The following PCDHA9 variants were observed in gnomAD, a reference collection of about 807,000 sequenced individuals.
The protein encoded by PCDHA9 is protocadherin alpha 9.
Under a neutral mutation model 62.0 loss-of-function variants are expected in PCDHA9, and 62 were observed. The ratio of observed to expected loss-of-function variants is 1.00; its 90% CI spans 0.81 to 1.23. The LOEUF (loss-of-function observed/expected upper bound fraction) is 1.23, where lower values mean the gene tolerates loss of function less well. Ranked by LOEUF, PCDHA9 falls within the 50% of genes most tolerant of loss-of-function variation. The pLI is 0.00. For synonymous variants in PCDHA9, 557 were observed against 567.6 expected (o/e 0.98, Z 0.27); for missense variants, 1,205 against 1,249.8 (o/e 0.96, Z 0.54).
chr5:140,920,530 G>T (rs2079676121), intron 1 of PCDHA9, among the ~76,000 whole-genome samples: 1 of 152,148 alleles, frequency 6.6e-6, no homozygotes, highest in African/African-American at 2.4e-5. Context: ...GTTAGACTCA[G>T]GTTTTCTATT....
At chr5:140,954,512 T>C (rs2095046956) in intron 1 of PCDHA9, among the ~76,000 whole-genome samples, 1 of 152,254 alleles carries the variant, frequency 6.6e-6, no homozygotes, top group Non-Finnish European at 1.5e-5. Flanking sequence ...TGCATTTACC[T>C]AATGATCAGT....
intron 1 of PCDHA9, among the ~76,000 whole-genome samples, chr5:140,964,997 T>C (rs144251011): frequency 3.9e-5 from 6 of 152,316 alleles, no homozygotes; most frequent in African/African-American, 1.4e-4. Context: ...CTTTGAATTC[T>C]GGGTGTCAGG....
rs2150424072 is a variant in PCDHA9, at chr5:140,848,906, A to C, written c.411A>C (p.Gln137His). 6 of 1,608,120 alleles carry C rather than the reference A, an allele frequency of 3.7e-6. No individual in the cohort carries two copies. In the East Asian group the frequency reaches 1.3e-4, roughly 36 times the overall value. Residue 137 changes from glutamine to histidine, a missense_variant, in exon 1 of 4, where the codon CAA becomes CAC. By Grantham distance (24) the Gln-to-His change is conservative (BLOSUM62 0). Transcript: ENST00000532602. ...NDNPPVFPAT[Q>H]KNLFIAESRP... ...ACCCTCCAGTGTTCCCAGCGACACA[A>C]AAGAATCTGTTCATCGCGGAATCCA... is the stretch of plus-strand genomic sequence containing the variant.
intron 1 of PCDHA9, among the ~76,000 whole-genome samples, chr5:140,941,255 C>CTTTCTTTCTCTT (rs782490896): frequency 9.0e-5 from 4 of 44,506 alleles, no homozygotes; most frequent in Non-Finnish European, 1.5e-4. Flanking sequence ...TTCTTTCTTT[C>CTTTCTTTCTCTT]TCTTTCTTTC....
chr5:140,856,315 T>A (rs782568790), intron 1 of PCDHA9: 4 of 1,598,576 alleles, frequency 2.5e-6, no homozygotes, highest in Non-Finnish European at 3.4e-6. Context: ...ATTCTCGGAT[T>A]GACCGCGAGG....
chr5:141,000,421 ATTTTTT>A (rs34755515), intron 3 of PCDHA9, among the ~76,000 whole-genome samples: 34 of 27,962 alleles, frequency 1.2e-3, no homozygotes, highest in East Asian at 9.9e-3. Context: ...ATATATATAT[ATTTTTT>A]TTTTTTTTTT....
chr5:140,940,635 TC>T (rs2092658903), intron 1 of PCDHA9, among the ~76,000 whole-genome samples: 1 of 152,214 alleles, frequency 6.6e-6, no homozygotes, highest in African/African-American at 2.4e-5. Context: ...CTTAAGCTTG[TC>T]ATTTATTTAT....
intron 1 of PCDHA9, among the ~76,000 whole-genome samples, chr5:140,972,527 C>A (rs1173109086): frequency 6.6e-6 from 1 of 152,092 alleles, no homozygotes; most frequent in Non-Finnish European, 1.5e-5. Flanking sequence ...GAGCTTATTT[C>A]ATAAATCACT....
rs1229783262 is a variant in PCDHA9 at position 140,850,596 on chromosome 5, A to G, written c.2101A>G (p.Ile701Val). ...GCTGGTGGATGTCAACGTGTACCTG[A>G]TCATCGCCATCTGCGCGGTGTCTAG... ...VTLVDVNVYLIIAICAVSSLL... is the reference protein window; with the variant it reads ...VTLVDVNVYLVIAICAVSSLL... Residue 701 changes from isoleucine (I) to valine (V), a missense_variant, in exon 1 of 4, where the codon ATC becomes GTC. Coordinates refer to ENST00000532602, the MANE Select transcript of PCDHA9 (RefSeq NM_031857.2). 2 of 1,598,308 alleles carry G rather than the reference A, an allele frequency of 1.3e-6. 1 individual carries two copies. The highest frequency in any genetic ancestry group is 1.7e-6 in the Non-Finnish European group (2 of 1,167,786).
chr5:140,878,556 A>C (rs959852623), intron 1 of PCDHA9, among the ~76,000 whole-genome samples: 1 of 152,156 alleles, frequency 6.6e-6, no homozygotes. Context: ...GATGATCCCA[A>C]ACTTATCATA....
chr5:140,921,953 C>A (rs2080517782), intron 1 of PCDHA9, among the ~76,000 whole-genome samples: 3 of 151,116 alleles, frequency 2.0e-5, no homozygotes, highest in African/African-American at 4.9e-5. Flanking sequence ...TTGTAAAATC[C>A]CAGAAAACCA....
chr5:140,980,363 G>A (rs1477868054), intron 2 of PCDHA9, among the ~76,000 whole-genome samples: 1 of 152,204 alleles, frequency 6.6e-6, no homozygotes, highest in Non-Finnish European at 1.5e-5. Context: ...TGGGCGCGGT[G>A]GCTCACACCT....
At chr5:140,927,172 G>A (rs782548172) in intron 1 of PCDHA9, 7 of 1,614,034 alleles carry the variant, frequency 4.3e-6, no homozygotes, top group East Asian at 4.5e-5. Context: ...AGCTGCCTGC[G>A]TCTTGACCTA....
At chr5:140,867,027 C>T (rs1043288554) in intron 1 of PCDHA9, 4 of 152,102 alleles carry the variant, frequency 2.6e-5, no homozygotes, top group Non-Finnish European at 5.9e-5. Context: ...ATATCAAACT[C>T]TTTTATGACT....
intron 1 of PCDHA9, among the ~76,000 whole-genome samples, chr5:140,963,206 A>C (rs988428405): frequency 2.0e-5 from 3 of 152,084 alleles, no homozygotes; most frequent in East Asian, 1.9e-4. Flanking sequence ...GAAAAAAAAA[A>C]CCTCGTGTTT....
intron 2 of PCDHA9, among the ~76,000 whole-genome samples, chr5:140,980,115 G>A (rs1263722649): frequency 6.6e-6 from 1 of 152,142 alleles, no homozygotes; most frequent in African/African-American, 2.4e-5. Flanking sequence ...ATTGGAACCT[G>A]GGTCATAATT....
Position 140,871,448 on chromosome 5 carries a change from A to G in PCDHA9, c.2394+20559A>G, listed in dbSNP as rs2053088391. On this transcript the variant is annotated intron_variant, in intron 1 of 3. Transcript: ENST00000532602. ...AGTCTTCCTCTAGGTCTGAATAAAG[A>G]GGAGGAAGGGGAAAGACAGGAGCCA... 2 of 1,609,780 alleles carry G rather than the reference A, an allele frequency of 1.2e-6. No homozygotes were observed. Among genetic ancestry groups the G allele is most frequent in the African/African-American group, 2.7e-5 (2 of 74,984 alleles).
chr5:140,994,519 A>G (rs1378534275), intron 3 of PCDHA9, among the ~76,000 whole-genome samples: 2 of 148,690 alleles, frequency 1.3e-5, no homozygotes, highest in Non-Finnish European at 3.0e-5. Context: ...CCTGGGCAAC[A>G]TGGCAAAACC....
At chr5:140,987,431 C>G (rs187493051) in intron 3 of PCDHA9, among the ~76,000 whole-genome samples, 1 of 152,232 alleles carries the variant, frequency 6.6e-6, no homozygotes, top group East Asian at 1.9e-4. Context: ...AGCAGGGGGC[C>G]TTTCCCCATG....
Sources: allele counts gnomAD v4.1 joint callset (sites outside exome capture counted in the v4.1 genomes callset), GRCh38; gene constraint gnomAD v4.1.1; transcripts MANE v1.5; gene names NCBI Gene and HGNC (gene_info 2026-07-23, HGNC 2026-07-21).